The following STK32B variants were observed in gnomAD, a reference collection of about 807,000 sequenced individuals.
STK32B encodes serine/threonine-protein kinase 32B.
Under a neutral mutation model 52.6 loss-of-function variants are expected in STK32B, and 43 were observed. The ratio of observed to expected loss-of-function variants is 0.82; its 90% CI spans 0.64 to 1.05. STK32B has a LOEUF of 1.05. Ranked by LOEUF, STK32B falls within the 50% of genes least tolerant of loss-of-function variation. The pLI is 0.00. For missense variants in STK32B, 621 were observed against 534.6 expected, an observed-to-expected ratio of 1.16 and a Z score of -1.59; for synonymous variants, 238 against 204.3, an observed-to-expected ratio of 1.17 and a Z score of -1.41.
chr4:5,405,489 C>T (rs76094589), intron 5 of STK32B, among the ~76,000 whole-genome samples: 1,876 of 152,224 alleles, frequency 0.012, 46 homozygotes, highest in African/African-American at 0.04. Flanking sequence ...TTAGGAGGTG[C>T]GGCTGTGTTA....
chr4:5,490,449 A>G (rs1719625917), intron 11 of STK32B, among the ~76,000 whole-genome samples: 1 of 152,134 alleles, frequency 6.6e-6, no homozygotes. Flanking sequence ...ATTTGGGGTA[A>G]GGCAGTTTGA....
intron 11 of STK32B, among the ~76,000 whole-genome samples, chr4:5,487,838 C>G (rs1263629239): frequency 6.6e-6 from 1 of 152,166 alleles, no homozygotes; most frequent in East Asian, 1.9e-4. Flanking sequence ...TTAAATGTCT[C>G]TGGTTATGGC....
At position 5,275,776 on chromosome 4, in the gene STK32B, G is replaced by A. The variant is rs57219957; in HGVS notation, c.261-55444G>A. On this transcript the variant is annotated intron_variant, in intron 3 of 11. Transcript: ENST00000282908. ...TGAGCAGAACCACCCTGAGAGTGGC[G>A]CACACTGAGTACTGCTGGTGGTGCC... Among the ~76,000 whole-genome samples, 1,039 of 151,954 alleles carry A rather than the reference G, an allele frequency of 6.8e-3. 11 individuals carry two copies. Among genetic ancestry groups the A allele is most frequent in the Non-Finnish European group, 0.01 (699 of 67,986 alleles).
chr4:5,380,901 A>T lies in STK32B; in HGVS notation c.435-17306A>T, dbSNP rs1735895189. Among the ~76,000 whole-genome samples the T allele has an allele frequency of 6.6e-6, 1 of 152,154 alleles. No homozygotes were observed. Reference sequence around the variant, plus strand: ...TGTTCAAGGTCCTGCAGCTCATCATAGTTGTCAGTGCCAACGTCATCATTA... The same window carrying T: ...TGTTCAAGGTCCTGCAGCTCATCATTGTTGTCAGTGCCAACGTCATCATTA... On this transcript the variant is annotated intron_variant, in intron 4 of 11. Transcript: ENST00000282908. This position sits in a 1 kb window ranked among gnomAD's most constrained non-coding sequence, Gnocchi z 4.3.
At chr4:5,432,134 G>A (rs1295934605) in intron 6 of STK32B, among the ~76,000 whole-genome samples, 1 of 152,158 alleles carries the variant, frequency 6.6e-6, no homozygotes, top group East Asian at 1.9e-4. Context: ...ATGGGGTAAG[G>A]GCTAGTATTA....
chr4:5,040,777 A>G, the STK32B span, among the ~76,000 whole-genome samples: 1 of 152,154 alleles, frequency 6.6e-6, no homozygotes, highest in Non-Finnish European at 1.5e-5. Context: ...ACCATGGGAC[A>G]TGGTCTGAGA....
intron 1 of STK32B, among the ~76,000 whole-genome samples, chr4:5,073,703 A>T (rs1252574126): frequency 6.6e-6 from 1 of 152,080 alleles, no homozygotes; most frequent in Non-Finnish European, 1.5e-5. Flanking sequence ...TTAATTAAAC[A>T]TCTTTATTTC....
In STK32B at chr4:5,085,578, T is replaced by C. The variant is rs190575357; in HGVS notation, c.52+33663T>C. Among the ~76,000 whole-genome samples, 735 of 152,296 alleles carry C rather than the reference T, an allele frequency of 4.8e-3. 9 individuals carry two copies. Among genetic ancestry groups the C allele is most frequent in the African/African-American group, 0.015 (606 of 41,570 alleles). ...CATGCAGGTGCATTCTCTACTATGT[T>C]CAAAACAAACACCAACAGGCCATTA... On this transcript the variant is annotated intron_variant, in intron 1 of 11. Coordinates refer to ENST00000282908, the MANE Select transcript of STK32B (RefSeq NM_018401.3).
chr4:5,151,542 T>C (rs1314977049), intron 2 of STK32B, among the ~76,000 whole-genome samples: 1 of 152,266 alleles, frequency 6.6e-6, no homozygotes, highest in Non-Finnish European at 1.5e-5. Context: ...CTGGAAGAAG[T>C]TGTGCCTCCT....
At chr4:5,117,141 G>A (rs1425938920) in intron 1 of STK32B, among the ~76,000 whole-genome samples, 1 of 152,004 alleles carries the variant, frequency 6.6e-6, no homozygotes, top group African/African-American at 2.4e-5. Flanking sequence ...TCTTTTTCTT[G>A]TCTAATTGCT....
chr4:5,099,516 G>A (rs1199820624), intron 1 of STK32B, among the ~76,000 whole-genome samples: 1 of 152,072 alleles, frequency 6.6e-6, no homozygotes, highest in East Asian at 1.9e-4. Flanking sequence ...AAAGTGGTGT[G>A]GCAGGGTTAT....
chr4:5,319,425 C>G (rs1311136834), intron 3 of STK32B, among the ~76,000 whole-genome samples: 1 of 152,204 alleles, frequency 6.6e-6, no homozygotes, highest in Admixed American at 6.5e-5. Flanking sequence ...TTCCAAAACT[C>G]AAATCTGACA....
intron 3 of STK32B, among the ~76,000 whole-genome samples, chr4:5,194,529 G>A (rs2108768290): frequency 6.6e-6 from 1 of 152,290 alleles, no homozygotes; most frequent in Non-Finnish European, 1.5e-5. Context: ...CTGTGAAAAT[G>A]TATGCGCCAG....
chr4:5,335,334 C>T (rs1351406802), intron 4 of STK32B, among the ~76,000 whole-genome samples: 2 of 152,096 alleles, frequency 1.3e-5, no homozygotes, highest in African/African-American at 2.4e-5. Flanking sequence ...TCCCCTTTAT[C>T]ATTTTTTATT....
intron 1 of STK32B, among the ~76,000 whole-genome samples, chr4:5,117,413 A>G (rs1192582833): frequency 6.6e-6 from 1 of 151,692 alleles, no homozygotes. Context: ...TTTTTTCTCC[A>G]GCACTGAATT....
At chr4:5,390,999 T>A (rs994479992) in intron 4 of STK32B, among the ~76,000 whole-genome samples, 1 of 139,792 alleles carries the variant, frequency 7.2e-6, no homozygotes, top group Non-Finnish European at 1.5e-5. Flanking sequence ...GGAATCTCAC[T>A]CTGTTGCCCA....
the STK32B span, among the ~76,000 whole-genome samples, chr4:5,032,182 A>G: frequency 6.6e-6 from 1 of 151,834 alleles, no homozygotes; most frequent in African/African-American, 2.4e-5. Context: ...AGAAAAAAAA[A>G]AAAAAACCTG....
At chr4:5,414,057 C>T (rs1711940903) in intron 5 of STK32B, among the ~76,000 whole-genome samples, 1 of 152,062 alleles carries the variant, frequency 6.6e-6, no homozygotes, top group South Asian at 2.1e-4. Context: ...AACAATTAAG[C>T]AAGCAAAATT....
chr4:5,300,780 A>C (rs994712418), intron 3 of STK32B, among the ~76,000 whole-genome samples: 1 of 152,206 alleles, frequency 6.6e-6, no homozygotes, highest in African/African-American at 2.4e-5. Flanking sequence ...TGCTGAAAGA[A>C]ATCATAGATG....
Sources: allele counts gnomAD v4.1 joint callset (sites outside exome capture counted in the v4.1 genomes callset), GRCh38; gene constraint gnomAD v4.1.1; non-coding constraint Gnocchi (gnomAD v3.1); transcripts MANE v1.5; gene names NCBI Gene and HGNC (gene_info 2026-07-23, HGNC 2026-07-21).